The following DOCK3 variants were observed in gnomAD, a reference collection of about 807,000 sequenced individuals.
DOCK3 encodes dedicator of cytokinesis protein 3.
A neutral mutation model predicts 265.6 loss-of-function variants in DOCK3; 60 were observed. That is an observed-to-expected ratio of 0.23 (90% CI 0.18 to 0.28). DOCK3 has a LOEUF of 0.28. Among genes scored for constraint, DOCK3 ranks in the 10% least tolerant of loss-of-function variants. The probability of loss-of-function intolerance (pLI) is 1.00; values close to 1 mark genes in which losing one functional copy is unlikely to be tolerated. For synonymous variants in DOCK3, 881 were observed against 938.0 expected, an observed-to-expected ratio of 0.94 and a Z score of 1.11; for missense variants, 1,981 against 2,594.3, an observed-to-expected ratio of 0.76 and a Z score of 5.14.
At position 51,201,879 on chromosome 3, in the gene DOCK3, T is replaced by C. The variant is rs974903083; in HGVS notation, c.1038-6895T>C. 3.7e-3 allele frequency among the ~76,000 whole-genome samples: 564 copies of C among 152,208 alleles called. 4 individuals carry two copies. The highest frequency in any genetic ancestry group is 0.013 in the African/African-American group (540 of 41,512). ...CAGGATTAAGAAACTCACTCAAAAC[T>C]GCTCAACTACATGGAGACTGAACAA... On this transcript the variant is annotated intron_variant, in intron 12 of 52. Coordinates refer to ENST00000266037, the MANE Select transcript of DOCK3 (RefSeq NM_004947.5).
At chr3:50,875,168 A>G (rs1333727666) in intron 3 of DOCK3, among the ~76,000 whole-genome samples, 1 of 152,196 alleles carries the variant, frequency 6.6e-6, no homozygotes, top group African/African-American at 2.4e-5. Context: ...ATGCCTATGT[A>G]ACAAACCTGC....
Position 51,160,667 on chromosome 3 carries a change from AAAGG to A in DOCK3, c.1006_1009del (p.Glu336LysfsTer61). 6.2e-7 allele frequency: 1 copy of A among 1,612,850 alleles called. No homozygotes were observed. The highest frequency in any genetic ancestry group is 8.5e-7 in the Non-Finnish European group (1 of 1,179,408). ...ATGTCCTACAGTCACTCACAGAAGT[AAAGG>A]AAGAAAAGGATTTTGTTCTTAAGGT... On this transcript the variant is annotated frameshift_variant, in exon 12 of 53. Transcript: ENST00000266037. LOFTEE classifies it high-confidence loss of function.
At chr3:51,228,885 T>G (rs1402818376) in intron 18 of DOCK3, 53 bp downstream of exon 18, 2 of 1,579,370 alleles carry the variant, frequency 1.3e-6, no homozygotes, top group Non-Finnish European at 1.7e-6. Context: ...CATTGTTCAC[T>G]CCACACTACT....
chr3:51,153,701 T>C (rs1312402621), intron 10 of DOCK3, among the ~76,000 whole-genome samples: 16 of 152,352 alleles, frequency 1.1e-4, no homozygotes, highest in Non-Finnish European at 8.8e-5. Flanking sequence ...GTTCATGGTC[T>C]GTACAACCAT....
chr3:51,014,280 C>G (rs1275775536), intron 5 of DOCK3, among the ~76,000 whole-genome samples: 1 of 152,120 alleles, frequency 6.6e-6, no homozygotes, highest in Non-Finnish European at 1.5e-5. Flanking sequence ...CAGAGCTGTT[C>G]CTATTTGGCC....
intron 4 of DOCK3, among the ~76,000 whole-genome samples, chr3:50,890,615 A>T (rs2048594734): frequency 6.6e-6 from 1 of 152,146 alleles, no homozygotes; most frequent in South Asian, 2.1e-4. Flanking sequence ...ATGAGTTTTT[A>T]AAAAATTCTT....
At chr3:51,181,717 C>G (rs1168506149) in intron 12 of DOCK3, among the ~76,000 whole-genome samples, 1 of 152,008 alleles carries the variant, frequency 6.6e-6, no homozygotes, top group African/African-American at 2.4e-5. Context: ...TGAGGAGTTC[C>G]TGAGAGAGAA....
At chr3:50,807,489 C>T (rs1460655390) in intron 2 of DOCK3, among the ~76,000 whole-genome samples, 4 of 152,138 alleles carry the variant, frequency 2.6e-5, no homozygotes, top group African/African-American at 7.2e-5. Context: ...GGCCCACTTC[C>T]AACATCGGGG....
chr3:51,369,922 C>A (rs2087548520), intron 49 of DOCK3, among the ~76,000 whole-genome samples: 1 of 152,218 alleles, frequency 6.6e-6, no homozygotes, highest in Non-Finnish European at 1.5e-5. Flanking sequence ...CACCAGCCCT[C>A]ACTCTCATGC....
chr3:50,947,448 T>G (rs1444843112), intron 5 of DOCK3, among the ~76,000 whole-genome samples: 1 of 152,146 alleles, frequency 6.6e-6, no homozygotes, highest in African/African-American at 2.4e-5. Flanking sequence ...AGAAATAATT[T>G]ATCAGGGTTC....
At chr3:50,889,681 T>C (rs938893242) in intron 3 of DOCK3, among the ~76,000 whole-genome samples, 5 of 152,118 alleles carry the variant, frequency 3.3e-5, no homozygotes, top group Non-Finnish European at 5.9e-5. Flanking sequence ...GATGATGATA[T>C]TAGTTTTGGA....
At chr3:50,878,511 A>G (rs2107636426) in intron 3 of DOCK3, among the ~76,000 whole-genome samples, 1 of 152,338 alleles carries the variant, frequency 6.6e-6, no homozygotes. Context: ...GATTTGATCA[A>G]GTGGAAGAAA....
chr3:51,305,723 T>TGC (rs2082625951), intron 27 of DOCK3, among the ~76,000 whole-genome samples: 1 of 48,808 alleles, frequency 2.0e-5, no homozygotes, highest in Non-Finnish European at 4.1e-5. Context: ...TGTCTGTGTG[T>TGC]GTGTGTGTGC....
At chr3:50,999,683 C>G (rs1382193333) in intron 5 of DOCK3, among the ~76,000 whole-genome samples, 1 of 152,102 alleles carries the variant, frequency 6.6e-6, no homozygotes, top group Non-Finnish European at 1.5e-5. Context: ...TCAAACTCAA[C>G]ATGTGCAAAA....
chr3:51,120,383 C>A (rs1484954059), intron 9 of DOCK3, among the ~76,000 whole-genome samples: 1 of 152,158 alleles, frequency 6.6e-6, no homozygotes, highest in Non-Finnish European at 1.5e-5. Context: ...CAGAGCTCTG[C>A]TGTATGAGGT....
intron 1 of DOCK3, among the ~76,000 whole-genome samples, chr3:50,766,205 G>T (rs541684492): frequency 1.9e-3 from 293 of 152,010 alleles, no homozygotes; most frequent in African/African-American, 6.8e-3. Context: ...CATGTGCCAT[G>T]TTGGTGTGCT....
At chr3:51,000,258 C>A (rs576693926) in intron 5 of DOCK3, among the ~76,000 whole-genome samples, 20 of 152,302 alleles carry the variant, frequency 1.3e-4, no homozygotes, top group African/African-American at 4.6e-4. Flanking sequence ...ACAATGCCAG[C>A]CACTTTTTCA....
chr3:50,875,730 T>C (rs1359407611), intron 3 of DOCK3, among the ~76,000 whole-genome samples: 1 of 152,158 alleles, frequency 6.6e-6, no homozygotes, highest in Non-Finnish European at 1.5e-5. Flanking sequence ...TTTTTGCATT[T>C]ATATTCATCA....
chr3:50,878,040 A>G (rs983338080), intron 3 of DOCK3, among the ~76,000 whole-genome samples: 1 of 152,218 alleles, frequency 6.6e-6, no homozygotes, highest in Non-Finnish European at 1.5e-5. Context: ...GCAAACTCCA[A>G]CAGACCTGCA....
Sources: allele counts gnomAD v4.1 joint callset (sites outside exome capture counted in the v4.1 genomes callset), GRCh38; gene constraint gnomAD v4.1.1; transcripts MANE v1.5; gene names NCBI Gene and HGNC (gene_info 2026-07-23, HGNC 2026-07-21).